Variants in UPK1B observed in about 807,000 individuals in gnomAD.
The protein encoded by UPK1B is uroplakin 1B, also known as uroplakin-1b.
A neutral mutation model predicts 34.2 loss-of-function variants in UPK1B; 28 were observed. That is an observed-to-expected ratio of 0.82 (90% CI 0.61 to 1.12). UPK1B has a LOEUF of 1.12. UPK1B is among the 50% of genes most tolerant of loss of function. UPK1B has a pLI of 0.00. For synonymous variants in UPK1B, 81 were observed against 110.4 expected, an observed-to-expected ratio of 0.73 and a Z score of 1.67; for missense variants, 325 against 320.9, an observed-to-expected ratio of 1.01 and a Z score of -0.10.
At chr3:119,178,239 T>C (rs1179369152) in intron 1 of UPK1B, among the ~76,000 whole-genome samples, 1 of 152,116 alleles carries the variant, frequency 6.6e-6, no homozygotes, top group Non-Finnish European at 1.5e-5. Flanking sequence ...AATAGTTGGG[T>C]CTGGCCAAAT....
intron 6 of UPK1B, 27 bp downstream of exon 6, chr3:119,194,425 C>T (rs1441283511): frequency 1.6e-5 from 26 of 1,582,512 alleles, no homozygotes; most frequent in Non-Finnish European, 2.1e-5. Flanking sequence ...CCCAAGACTT[C>T]CCAGGAGGTT....
chr3:119,192,922 C>T (rs148433813), intron 5 of UPK1B, among the ~76,000 whole-genome samples: 429 of 127,232 alleles, frequency 3.4e-3, no homozygotes, highest in Non-Finnish European at 4.7e-3. Flanking sequence ...CAGCAAATCT[C>T]AGAAGAGATG....
chr3:119,190,307 A>G lies in UPK1B; in HGVS notation c.333A>G (p.Thr111=). Residue 111 remains threonine (T), a synonymous_variant, in exon 4 of 8, where the codon ACA becomes ACG. Coordinates refer to ENST00000264234, the MANE Select transcript of UPK1B (RefSeq NM_006952.4). The stretch of plus-strand genomic sequence containing the variant: ...TGGCATCTTGTATCACAGCAGCAAC[A>G]CAACAAGACTTTGTGAGTACAACCT... ...FEVASCITAA[T]QQDFFTPNLF... The G allele has an allele frequency of 6.2e-7, 1 of 1,612,310 alleles. No individual in the cohort carries two copies. The highest frequency in any genetic ancestry group is 2.2e-5 in the East Asian group (1 of 44,868).
chr3:119,175,113 T>C (rs565067497), intron 1 of UPK1B, among the ~76,000 whole-genome samples: 109 of 137,346 alleles, frequency 7.9e-4, no homozygotes, highest in African/African-American at 2.9e-3. Context: ...CTGCAAGCTC[T>C]GCCTCCCGGG....
intron 1 of UPK1B, among the ~76,000 whole-genome samples, chr3:119,177,333 T>C (rs1188323016): frequency 1.3e-5 from 2 of 152,208 alleles, no homozygotes; most frequent in East Asian, 3.8e-4. Flanking sequence ...TAAAGGGAAG[T>C]GGATCTCCCT....
intron 5 of UPK1B, among the ~76,000 whole-genome samples, chr3:119,193,868 A>G (rs1436781504): frequency 2.0e-5 from 3 of 152,204 alleles, no homozygotes; most frequent in Non-Finnish European, 4.4e-5. Flanking sequence ...CACTGTATTG[A>G]GCACATTAAG....
chr3:119,196,697 A>T (rs1304879195), intron 6 of UPK1B, among the ~76,000 whole-genome samples: 1 of 151,510 alleles, frequency 6.6e-6, no homozygotes, highest in Non-Finnish European at 1.5e-5. Flanking sequence ...ACGCAACCAC[A>T]CCCAGCTAAT....
chr3:119,184,955 C>G (rs1213548697), intron 1 of UPK1B, among the ~76,000 whole-genome samples: 1 of 152,216 alleles, frequency 6.6e-6, no homozygotes, highest in Admixed American at 6.5e-5. Flanking sequence ...TCTGTACATA[C>G]CAGTAATGAA....
rs536477214 is a variant in UPK1B at position 119,173,866 on chromosome 3, T to A, written c.-29+228T>A. Among the ~76,000 whole-genome samples, 5 of 152,304 alleles carry A rather than the reference T, an allele frequency of 3.3e-5. No individual in the cohort carries two copies. In the East Asian group the frequency reaches 9.6e-4, roughly 29 times the overall value. ...TTAATACCCTTGATATAAGTCTTGTTCTCATTAAACTTCTGGAGATATTAC... is the reference window on the plus strand; with the variant it reads ...TTAATACCCTTGATATAAGTCTTGTACTCATTAAACTTCTGGAGATATTAC... On this transcript the variant is annotated intron_variant, in intron 1 of 7. Coordinates refer to ENST00000264234, the MANE Select transcript of UPK1B (RefSeq NM_006952.4).
intron 6 of UPK1B, among the ~76,000 whole-genome samples, chr3:119,195,961 C>G (rs188288733): frequency 1.3e-5 from 2 of 151,616 alleles, no homozygotes; most frequent in Admixed American, 1.3e-4. Flanking sequence ...CCTTACAGTT[C>G]CCTGGCCTCA....
chr3:119,179,370 T>TAG lies in UPK1B; in HGVS notation c.-29+5733_-29+5734insGA, dbSNP rs1273123681. Among the ~76,000 whole-genome samples the TAG allele has an allele frequency of 1.8e-3, 116 of 65,568 alleles. 4 individuals are homozygous for TAG. In the East Asian group the frequency reaches 0.039, roughly 22 times the overall value. The allele number at this position is 65,568 out of a possible 152,430, so 43.0% of individuals were successfully genotyped here. ...AGAGGGAGATATATATATATATATATATATATATATATATATATATATATA... is the reference window on the plus strand; with the variant it reads ...AGAGGGAGATATATATATATATATATAGATATATATATATATATATATATATA... On this transcript the variant is annotated intron_variant, in intron 1 of 7. Coordinates refer to ENST00000264234, the MANE Select transcript of UPK1B (RefSeq NM_006952.4).
intron 2 of UPK1B, 32 bp downstream of exon 2, chr3:119,186,842 C>T (rs764746763): frequency 3.1e-6 from 5 of 1,595,646 alleles, no homozygotes; most frequent in Admixed American, 3.3e-5. Flanking sequence ...GGAAATTCTG[C>T]ACTTCCTGTA....
chr3:119,178,159 C>T (rs1013368103), intron 1 of UPK1B, among the ~76,000 whole-genome samples: 1 of 152,224 alleles, frequency 6.6e-6, no homozygotes, highest in African/African-American at 2.4e-5. Context: ...GCCTTGAATA[C>T]ACACTGAGGA....
intron 5 of UPK1B, among the ~76,000 whole-genome samples, chr3:119,193,788 T>C (rs1475863341): frequency 1.3e-5 from 2 of 152,220 alleles, no homozygotes; most frequent in African/African-American, 4.8e-5. Flanking sequence ...CTCTCTCACA[T>C]TGTTATATCA....
At chr3:119,202,151 TC>T (rs1231966128) in intron 7 of UPK1B, among the ~76,000 whole-genome samples, 2 of 152,188 alleles carry the variant, frequency 1.3e-5, no homozygotes, top group Admixed American at 1.3e-4. Context: ...TAATATTAAA[TC>T]CCCACAACAG....
rs192379813 is a variant in UPK1B, at chr3:119,186,767, G to A, written c.26G>A (p.Arg9His). 7.2e-5 allele frequency: 117 copies of A among 1,614,120 alleles called. No individual in the cohort carries two copies. The East Asian group carries it at 9.4e-4, about 13-fold the overall frequency. Residue 9 changes from arginine (R) to histidine (H), a missense_variant, in exon 2 of 8, where the codon CGT becomes CAT. Physicochemically the swap from Arg to His is conservative, Grantham distance 29 (BLOSUM62 0). Transcript: ENST00000264234. ...ATGGCCAAAGACAACTCAACTGTTC[G>A]TTGCTTCCAGGGCCTGCTGATTTTT... MAKDNSTV[R>H]CFQGLLIFGN...
At chr3:119,185,635 C>CA (rs1447745563) in intron 1 of UPK1B, among the ~76,000 whole-genome samples, 3 of 152,184 alleles carry the variant, frequency 2.0e-5, no homozygotes, top group Non-Finnish European at 2.9e-5. Flanking sequence ...CCTACTAACG[C>CA]AAAAAATCCT....
intron 1 of UPK1B, among the ~76,000 whole-genome samples, chr3:119,184,952 A>C (rs999616652): frequency 6.6e-6 from 1 of 152,254 alleles, no homozygotes; most frequent in African/African-American, 2.4e-5. Flanking sequence ...ATGTCTGTAC[A>C]TACCAGTAAT....
intron 7 of UPK1B, among the ~76,000 whole-genome samples, chr3:119,199,682 C>T (rs549071443): frequency 4.4e-4 from 67 of 152,170 alleles, no homozygotes; most frequent in Non-Finnish European, 8.5e-4. Context: ...TTAAAAATTG[C>T]TTGGATCCCA....
Sources: allele counts gnomAD v4.1 joint callset (sites outside exome capture counted in the v4.1 genomes callset), GRCh38; gene constraint gnomAD v4.1.1; transcripts MANE v1.5; gene names NCBI Gene and HGNC (gene_info 2026-07-23, HGNC 2026-07-21).